Variants in LONP2 observed in about 807,000 individuals in gnomAD.
LONP2 encodes lon protease homolog 2, peroxisomal.
In LONP2, 60 loss-of-function variants were observed where a neutral mutation model predicts 85.6. The ratio of observed to expected loss-of-function variants is 0.70; its 90% CI spans 0.57 to 0.87. The LOEUF (loss-of-function observed/expected upper bound fraction) is 0.87. LONP2 is among the 40% of genes least tolerant of loss of function. The pLI, the probability that LONP2 is intolerant of heterozygous loss-of-function variation, is 0.00. For missense variants in LONP2, 860 were observed against 1,063.5 expected, an observed-to-expected ratio of 0.81 and a Z score of 2.66; for synonymous variants, 395 against 389.7, an observed-to-expected ratio of 1.01 and a Z score of -0.16.
chr16:48,258,996 A>G (rs1971821525), intron 4 of LONP2, among the ~76,000 whole-genome samples: 1 of 152,110 alleles, frequency 6.6e-6, no homozygotes, highest in South Asian at 2.1e-4. Context: ...TGTTTTGTGT[A>G]TTGTAAACAC....
At chr16:48,291,830 T>C (rs149940762) in intron 8 of LONP2, among the ~76,000 whole-genome samples, 3 of 152,360 alleles carry the variant, frequency 2.0e-5, no homozygotes, top group Non-Finnish European at 4.4e-5. Context: ...GCCAGAATAT[T>C]GATCAGTATT....
At chr16:48,275,606 G>A (rs559577150) in intron 7 of LONP2, among the ~76,000 whole-genome samples, 5 of 152,134 alleles carry the variant, frequency 3.3e-5, no homozygotes, top group South Asian at 2.1e-4. Context: ...TGGGATTTAC[G>A]TAGCAGGAAG....
At position 48,269,969 on chromosome 16, in the gene LONP2, T is replaced by G. The variant is rs748138412; in HGVS notation, c.983-47T>G. ...TCATGCTTGAAAGGAGTTCTTTAAC[T>G]TAAAAATTTTATGTGTTCTAATTAT... On this transcript the variant is annotated intron_variant, in intron 6 of 14. Coordinates refer to ENST00000285737, the MANE Select transcript of LONP2 (RefSeq NM_031490.5). 7 of 1,559,970 alleles carry G rather than the reference T, an allele frequency of 4.5e-6. No individual in the cohort carries two copies. The African/African-American group carries it at 9.7e-5, about 22-fold the overall frequency.
At chr16:48,297,845 G>A (rs903163524) in intron 9 of LONP2, among the ~76,000 whole-genome samples, 4 of 151,906 alleles carry the variant, frequency 2.6e-5, no homozygotes, top group African/African-American at 9.7e-5. Context: ...GACTACAGGC[G>A]TGCACCACCA....
chr16:48,256,687 T>A lies in LONP2; in HGVS notation c.546T>A (p.Ala182=). The A allele has an allele frequency of 1.2e-6, 2 of 1,614,020 alleles. No individual in the cohort carries two copies. Among genetic ancestry groups the A allele is most frequent in the Non-Finnish European group, 1.7e-6 (2 of 1,179,936 alleles). Residue 182 remains alanine (A), a synonymous_variant, in exon 3 of 15, where the codon GCT becomes GCA. Coordinates refer to ENST00000285737, the MANE Select transcript of LONP2 (RefSeq NM_031490.5). ...RRLLDSLPRE[A]LPDILTSIIR... ...TTTTAGATAGTCTTCCAAGGGAAGC[T>A]TTACCAGACATCTTGACATCAATTA...
chr16:48,277,278 A>T, intron 7 of LONP2, 60 bp from the exon 8 acceptor site: 1 of 1,540,806 alleles, frequency 6.5e-7, no homozygotes, highest in Non-Finnish European at 8.8e-7. Context: ...TGATTTCTGA[A>T]TGGCGTCGCT....
intron 11 of LONP2, among the ~76,000 whole-genome samples, chr16:48,330,677 CA>C (rs987235599): frequency 2.6e-5 from 4 of 152,136 alleles, no homozygotes. Flanking sequence ...ACACACAGTC[CA>C]GGGGGTGACT....
intron 2 of LONP2, among the ~76,000 whole-genome samples, chr16:48,254,364 ATTTTTTT>A (rs141945767): frequency 7.2e-6 from 1 of 138,784 alleles, no homozygotes; most frequent in Non-Finnish European, 1.6e-5. Context: ...TCCATCTCTG[ATTTTTTT>A]TTTTTTTTTT....
At chr16:48,336,272 A>G in intron 12 of LONP2, 2 of 442,706 alleles carry the variant, frequency 4.5e-6, no homozygotes, top group South Asian at 3.2e-5. Flanking sequence ...ACTGCTTACC[A>G]GTTATCCTTG....
At chr16:48,340,339 TA>T (rs1277120262) in intron 12 of LONP2, among the ~76,000 whole-genome samples, 3 of 152,096 alleles carry the variant, frequency 2.0e-5, no homozygotes, top group Non-Finnish European at 4.4e-5. Flanking sequence ...CCAGTAATAC[TA>T]AAAAAGAAAA....
intron 6 of LONP2, among the ~76,000 whole-genome samples, chr16:48,263,264 G>A (rs1971916380): frequency 6.6e-6 from 1 of 152,050 alleles, no homozygotes; most frequent in South Asian, 2.1e-4. Context: ...TTAGCGATAG[G>A]CACTTTTCTT....
chr16:48,290,681 G>A (rs898886893), intron 8 of LONP2, among the ~76,000 whole-genome samples: 1 of 152,128 alleles, frequency 6.6e-6, no homozygotes, highest in African/African-American at 2.4e-5. Context: ...GTGAAGTCAG[G>A]GTCCACCAGT....
downstream of LONP2, among the ~76,000 whole-genome samples, chr16:48,359,469 A>G (rs1243214587): frequency 6.6e-6 from 1 of 152,172 alleles, no homozygotes; most frequent in Non-Finnish European, 1.5e-5. Context: ...TCACGCCTAT[A>G]ATCCCAGCAC....
rs1487515791 is a variant in LONP2 at position 48,357,086 on chromosome 16, G to A, written c.*5284G>A. 1.3e-5 allele frequency: 2 copies of A among 152,434 alleles called. No homozygotes were observed. The highest frequency in any genetic ancestry group is 4.8e-5 in the African/African-American group (2 of 41,440). 9.4% of individuals were successfully genotyped at this position (152,434 alleles called of 1,614,324 possible). ...AAATATTTGGTTCAGCAAGACACTGGGGTATCAAGTCAGGCATAATAAGCA... is the reference window on the plus strand; with the variant it reads ...AAATATTTGGTTCAGCAAGACACTGAGGTATCAAGTCAGGCATAATAAGCA... On this transcript the variant is annotated 3_prime_UTR_variant, in exon 15 of 15. Coordinates refer to ENST00000285737, the MANE Select transcript of LONP2 (RefSeq NM_031490.5).
chr16:48,299,219 G>A (rs141783536), intron 9 of LONP2, among the ~76,000 whole-genome samples: 17 of 152,098 alleles, frequency 1.1e-4, no homozygotes, highest in Middle Eastern at 3.4e-3. Flanking sequence ...TGTAATTATA[G>A]TCTCATTTGA....
intron 9 of LONP2, 39 bp from the exon 10 acceptor site, chr16:48,299,623 C>T (rs569835884): frequency 5.1e-6 from 8 of 1,580,904 alleles, no homozygotes; most frequent in Non-Finnish European, 6.8e-6. Flanking sequence ...TTATGGGAGC[C>T]ATGTAAATAA....
At chr16:48,249,691 C>T (rs935442602) in intron 1 of LONP2, among the ~76,000 whole-genome samples, 3 of 151,520 alleles carry the variant, frequency 2.0e-5, no homozygotes. Context: ...GCCTGGTCAA[C>T]ATCATGAGAT....
chr16:48,279,244 T>C (rs1770797469), intron 8 of LONP2, among the ~76,000 whole-genome samples: 1 of 152,188 alleles, frequency 6.6e-6, no homozygotes, highest in South Asian at 2.1e-4. Flanking sequence ...TTTGTTTGTG[T>C]GTTTATATTT....
At chr16:48,335,162 T>C (rs1959605613) in intron 12 of LONP2, among the ~76,000 whole-genome samples, 1 of 152,208 alleles carries the variant, frequency 6.6e-6, no homozygotes, top group South Asian at 2.1e-4. Flanking sequence ...AAAAATTACA[T>C]ATTCTTATGT....
Sources: gnomAD v4.1 joint callset for allele counts (sites outside exome capture counted in the v4.1 genomes callset) on GRCh38, gnomAD v4.1.1 for gene constraint, MANE v1.5 for transcripts, NCBI Gene and HGNC (gene_info 2026-07-23, HGNC 2026-07-21) for gene names.